SLC1A7: variants seen among roughly 807,000 people sequenced by gnomAD.
The protein encoded by SLC1A7 is solute carrier family 1 member 7.
SLC1A7 carries 40 observed loss-of-function variants against 47.7 expected under a neutral mutation model. That is an observed-to-expected ratio of 0.84 (90% confidence interval 0.65 to 1.09). SLC1A7 has a LOEUF of 1.09. SLC1A7 is among the 50% of genes least tolerant of loss of function. The pLI, the probability that SLC1A7 is intolerant of heterozygous loss-of-function variation, is 0.00. For missense variants in SLC1A7, 746 were observed against 769.5 expected (o/e 0.97, Z 0.36); for synonymous variants, 323 against 325.6 (o/e 0.99, Z 0.09).
intron 9 of SLC1A7, among the ~76,000 whole-genome samples, 163 bp from the exon 10 acceptor site, chr1:53,089,142 T>C (rs559371030): frequency 2.6e-5 from 4 of 152,366 alleles, no homozygotes; most frequent in East Asian, 1.9e-4. Flanking sequence ...TTTGGCATCA[T>C]TGAAGCAGCT....
At chr1:53,110,385 C>G (rs987298287) in intron 3 of SLC1A7, among the ~76,000 whole-genome samples, 1 of 152,026 alleles carries the variant, frequency 6.6e-6, no homozygotes, top group East Asian at 1.9e-4. Flanking sequence ...ACGGTGAGAG[C>G]GAGGCCCAAC....
intron 2 of SLC1A7, chr1:53,116,252 T>A (rs912006172): frequency 6.6e-6 from 1 of 152,224 alleles, no homozygotes; most frequent in Non-Finnish European, 1.5e-5. Context: ...ACTTTGAGCA[T>A]CCCCTCTTGC....
intron 1 of SLC1A7, among the ~76,000 whole-genome samples, chr1:53,136,631 A>T (rs12031870): frequency 2.5e-5 from 3 of 119,284 alleles, no homozygotes; most frequent in African/African-American, 1.0e-4. Context: ...AACATATATA[A>T]TATATAAAAA....
Position 53,087,336 on chromosome 1 carries a change from T to C in SLC1A7, c.*673A>G, listed in dbSNP as rs1644371239. ...ACCAGAGCATCCTGGCTGCACCTCC[T>C]TCCCGGAGTCCTGGCTTGCCTACCT... On this transcript the variant is annotated 3_prime_UTR_variant, in exon 11 of 11. Transcript: ENST00000371494. The C allele has an allele frequency of 6.6e-6, 1 of 152,236 alleles. No individual in the cohort carries two copies. 9.4% of individuals were successfully genotyped at this position (152,236 alleles called of 1,614,324 possible). A position where few individuals can be genotyped will look rare whatever the true frequency, so the allele number is the denominator to read the frequency against.
Position 53,089,867 on chromosome 1 carries a change from TG to T in SLC1A7, c.1293del (p.Ile432SerfsTer29), listed in dbSNP as rs1644400407. The T allele has an allele frequency of 1.9e-6, 3 of 1,613,846 alleles. No individual in the cohort carries two copies. Among genetic ancestry groups the T allele is most frequent in the Non-Finnish European group, 2.5e-6 (3 of 1,179,966 alleles). ...GGCAGTCCCACGGAGGTGAGCACGA[TG>T]ACCATGGTGACGAGGCCGGCCTGGG... ...GIPQAGLVTM[V>X]IVLTSVGLPT... On this transcript the variant is annotated frameshift_variant, in exon 9 of 11. Coordinates refer to ENST00000371494, the MANE Select transcript of SLC1A7 (RefSeq NM_006671.6). LOFTEE classifies it high-confidence loss of function.
At chr1:53,090,331 C>G (rs540559831) in intron 8 of SLC1A7, 6 of 552,204 alleles carry the variant, frequency 1.1e-5, no homozygotes, top group African/African-American at 9.4e-5. Flanking sequence ...CCTCCGTCAG[C>G]CTCAGCCGCA....
intron 5 of SLC1A7, among the ~76,000 whole-genome samples, chr1:53,095,641 G>A (rs1644478256): frequency 7.1e-6 from 1 of 141,526 alleles, no homozygotes; most frequent in Non-Finnish European, 1.5e-5. Flanking sequence ...ACCCGCCTCA[G>A]TACACTCACA....
At chr1:53,138,024 T>C (rs1169392606) in intron 1 of SLC1A7, among the ~76,000 whole-genome samples, 2 of 152,230 alleles carry the variant, frequency 1.3e-5, no homozygotes, top group South Asian at 2.1e-4. Flanking sequence ...TCTGAGTCCT[T>C]ACATGAGTAA....
At chr1:53,124,249 AAC>A (rs67205575) in intron 2 of SLC1A7, among the ~76,000 whole-genome samples, 525 of 6,980 alleles carry the variant, frequency 0.075, 2 homozygotes, top group African/African-American at 0.078. Flanking sequence ...ATACATACAC[AAC>A]ACACACACAC....
intron 9 of SLC1A7, among the ~76,000 whole-genome samples, chr1:53,089,198 GGTTA>G (rs1480343991): frequency 5.3e-5 from 8 of 152,146 alleles, no homozygotes; most frequent in Admixed American, 1.3e-4. Context: ...TGCTTAGAAG[GGTTA>G]GGTTTGGTTT....
At chr1:53,103,254 C>T in intron 5 of SLC1A7, 92 bp downstream of exon 5, 1 of 936,086 alleles carries the variant, frequency 1.1e-6, no homozygotes, top group Non-Finnish European at 1.6e-6. Context: ...CAGCATTCTC[C>T]CCAGACCTCA....
chr1:53,125,744 A>T (rs1180686029), intron 2 of SLC1A7, among the ~76,000 whole-genome samples: 3 of 152,206 alleles, frequency 2.0e-5, no homozygotes, highest in Non-Finnish European at 2.9e-5. Context: ...GGCAGTGTGC[A>T]GACTTCCACC....
At chr1:53,115,209 G>A (rs1383260598) in intron 2 of SLC1A7, 3 of 579,618 alleles carry the variant, frequency 5.2e-6, no homozygotes, top group Admixed American at 3.0e-5. Context: ...TGCACTGCTA[G>A]GCAGAGAGCC....
chr1:53,126,132 A>G (rs1644878994), intron 2 of SLC1A7, among the ~76,000 whole-genome samples: 1 of 152,204 alleles, frequency 6.6e-6, no homozygotes. Context: ...ACACCAGATG[A>G]GAGCATCAGC....
intron 9 of SLC1A7, 35 bp downstream of exon 9, chr1:53,089,765 C>T (rs1644398884): frequency 6.2e-7 from 1 of 1,610,680 alleles, no homozygotes; most frequent in South Asian, 1.1e-5. Flanking sequence ...TCAGCCCCTC[C>T]CAGAGGGCTA....
chr1:53,114,632 C>T, intron 3 of SLC1A7, 126 bp downstream of exon 3: 4 of 796,242 alleles, frequency 5.0e-6, no homozygotes, highest in Non-Finnish European at 6.1e-6. Flanking sequence ...CAGAGCTCAA[C>T]CCACCAGGGT....
At chr1:53,099,935 A>G (rs980116065) in intron 5 of SLC1A7, among the ~76,000 whole-genome samples, 2 of 148,000 alleles carry the variant, frequency 1.4e-5, no homozygotes, top group African/African-American at 5.0e-5. Flanking sequence ...GCCTCTGTAC[A>G]TTCACACACC....
intron 2 of SLC1A7, among the ~76,000 whole-genome samples, chr1:53,118,911 C>T (rs1018774938): frequency 9.2e-5 from 14 of 152,138 alleles, no homozygotes; most frequent in Non-Finnish European, 5.9e-5. Flanking sequence ...GCAGGAGAAT[C>T]GCTTGAACCT....
At chr1:53,137,583 CCAAA>C (rs1262391481) in intron 1 of SLC1A7, among the ~76,000 whole-genome samples, 5 of 152,132 alleles carry the variant, frequency 3.3e-5, no homozygotes, top group African/African-American at 1.2e-4. Context: ...GTTTTGATCG[CCAAA>C]CAGTGTTTAC....
Sources: gnomAD v4.1 joint callset for allele counts (sites outside exome capture counted in the v4.1 genomes callset) on GRCh38, gnomAD v4.1.1 for gene constraint, MANE v1.5 for transcripts, NCBI Gene and HGNC (gene_info 2026-07-23, HGNC 2026-07-21) for gene names.